The following PKIB variants were observed in gnomAD, a reference collection of about 807,000 sequenced individuals.
PKIB encodes the protein cAMP-dependent protein kinase inhibitor beta, also known as PKI-beta.
PKIB carries 2 observed loss-of-function variants against 4.5 expected under a neutral mutation model. The ratio of observed to expected loss-of-function variants is 0.44; its 90% confidence interval spans 0.18 to 1.39. PKIB has a LOEUF of 1.39. Ranked by LOEUF, PKIB falls within the 40% of genes most tolerant of loss-of-function variation. PKIB has a pLI of 0.27. For missense variants in PKIB, 94 were observed against 92.6 expected (o/e 1.02, Z -0.06); for synonymous variants, 38 against 36.0 (o/e 1.06, Z -0.20).
intron 2 of PKIB, among the ~76,000 whole-genome samples, chr6:122,514,582 G>A (rs1776687978): frequency 6.6e-6 from 1 of 152,132 alleles, no homozygotes; most frequent in Admixed American, 6.5e-5. Context: ...ACAAAATAAG[G>A]GTTTAAAATA....
chr6:122,492,042 G>A (rs1775946972), intron 2 of PKIB, among the ~76,000 whole-genome samples: 1 of 152,142 alleles, frequency 6.6e-6, no homozygotes, highest in Non-Finnish European at 1.5e-5. Flanking sequence ...AAAACACTTG[G>A]AGGTTTTATT....
intron 4 of PKIB, among the ~76,000 whole-genome samples, chr6:122,721,647 A>G (rs12209418): frequency 0.21 from 31,284 of 152,084 alleles, 3,819 homozygotes; most frequent in Middle Eastern, 0.29. Flanking sequence ...AAGGATGGAA[A>G]TAGGAAATGT....
At chr6:122,707,796 T>C (rs903428306) in intron 3 of PKIB, among the ~76,000 whole-genome samples, 8 of 152,184 alleles carry the variant, frequency 5.3e-5, no homozygotes, top group Non-Finnish European at 1.2e-4. Context: ...TGTTGTGATA[T>C]TCTTGTATAT....
chr6:122,686,957 G>A (rs1401811785), intron 3 of PKIB, among the ~76,000 whole-genome samples: 3 of 152,096 alleles, frequency 2.0e-5, no homozygotes, highest in Non-Finnish European at 4.4e-5. Context: ...CTGTGAAGAA[G>A]CTTTTTAACC....
chr6:122,542,872 C>G (rs540338741), intron 2 of PKIB, among the ~76,000 whole-genome samples: 126 of 152,250 alleles, frequency 8.3e-4, no homozygotes, highest in South Asian at 2.1e-3. Flanking sequence ...CCACCCAATT[C>G]GAGCTTCCTG....
At chr6:122,606,571 C>CAAAAAAAA (rs10695767), upstream of PKIB, among the ~76,000 whole-genome samples, 40 of 119,544 alleles carry the variant, frequency 3.3e-4, 4 homozygotes, top group Admixed American at 5.3e-4. Context: ...GACTCTGTCT[C>CAAAAAAAA]AAAAAAGAAA....
In PKIB at chr6:122,689,297, A is replaced by G. The variant is rs183551807; in HGVS notation, c.-9+14153A>G. Among the ~76,000 whole-genome samples the G allele has an allele frequency of 3.9e-3, 595 of 152,056 alleles. 4 individuals are homozygous for G. Among genetic ancestry groups the G allele is most frequent in the African/African-American group, 0.012 (513 of 41,480 alleles). On this transcript the variant is annotated intron_variant, in intron 3 of 4. Transcript: ENST00000368452. Reference sequence around the variant, plus strand: ...CTCTGATGTTTATTTCTTTTCTTCTACTAATTGTGGGTTCAGTTTTCTCTT... The same window carrying G: ...CTCTGATGTTTATTTCTTTTCTTCTGCTAATTGTGGGTTCAGTTTTCTCTT...
intron 2 of PKIB, among the ~76,000 whole-genome samples, chr6:122,558,308 G>C (rs1244709969): frequency 6.6e-6 from 1 of 152,154 alleles, no homozygotes; most frequent in Non-Finnish European, 1.5e-5. Flanking sequence ...TATTCTACCA[G>C]CTTAGTAATG....
intron 2 of PKIB, among the ~76,000 whole-genome samples, chr6:122,504,977 C>T (rs113717722): frequency 7.9e-5 from 12 of 152,236 alleles, no homozygotes; most frequent in East Asian, 1.9e-4. Flanking sequence ...GGCTGCAAAA[C>T]GCCCCGAGCT....
intron 3 of PKIB, among the ~76,000 whole-genome samples, chr6:122,689,013 C>T (rs1778215464): frequency 6.6e-6 from 1 of 151,952 alleles, no homozygotes; most frequent in African/African-American, 2.4e-5. Context: ...GATCTCCTGA[C>T]CTCGTGACCC....
intron 3 of PKIB, among the ~76,000 whole-genome samples, chr6:122,602,311 G>A (rs1317783650): frequency 6.6e-6 from 1 of 152,182 alleles, no homozygotes; most frequent in South Asian, 2.1e-4. Context: ...AGAAGCTCAA[G>A]TGGTTGGGAA....
intron 2 of PKIB, among the ~76,000 whole-genome samples, chr6:122,558,007 A>G (rs959689005): frequency 1.3e-5 from 2 of 152,164 alleles, no homozygotes; most frequent in Non-Finnish European, 2.9e-5. Flanking sequence ...TGTTAACACA[A>G]GAGGTGAACA....
intron 3 of PKIB, among the ~76,000 whole-genome samples, chr6:122,710,123 G>T (rs528046591): frequency 2.6e-4 from 39 of 152,188 alleles, no homozygotes; most frequent in Non-Finnish European, 5.1e-4. Flanking sequence ...TTTATTGATT[G>T]TATTAAGCAG....
intron 2 of PKIB, chr6:122,482,957 T>C (rs1775667043): frequency 1.3e-5 from 2 of 152,164 alleles, no homozygotes; most frequent in African/African-American, 2.4e-5. Context: ...TTGTCACTGA[T>C]TGGCTGAAAG....
chr6:122,545,942 G>A (rs926460401), intron 2 of PKIB, among the ~76,000 whole-genome samples: 6 of 151,708 alleles, frequency 4.0e-5, no homozygotes, highest in South Asian at 4.2e-4. Context: ...TAGGGAAGAG[G>A]TAGAACCTAG....
At chr6:122,603,174 A>G (rs1774430554) in intron 3 of PKIB, among the ~76,000 whole-genome samples, 1 of 152,138 alleles carries the variant, frequency 6.6e-6, no homozygotes, top group Admixed American at 6.5e-5. Flanking sequence ...ATTTTATAAG[A>G]CAACTTAACA....
At chr6:122,607,224 A>G (rs2114750873), upstream of PKIB, among the ~76,000 whole-genome samples, 1 of 152,110 alleles carries the variant, frequency 6.6e-6, no homozygotes, top group South Asian at 2.1e-4. Flanking sequence ...CTGAAATCCA[A>G]ACACTGTGGA....
intron 2 of PKIB, among the ~76,000 whole-genome samples, chr6:122,656,064 A>G (rs190651338): frequency 3.0e-4 from 45 of 152,274 alleles, no homozygotes; most frequent in Admixed American, 1.4e-3. Flanking sequence ...TGGGTGTGAT[A>G]TAATATTCTT....
intron 2 of PKIB, among the ~76,000 whole-genome samples, chr6:122,532,208 T>C (rs1332583913): frequency 6.6e-6 from 1 of 152,212 alleles, no homozygotes; most frequent in Non-Finnish European, 1.5e-5. Context: ...ATCTACATGC[T>C]TCCACCTAGT....
Sources: allele counts gnomAD v4.1 joint callset (sites outside exome capture counted in the v4.1 genomes callset), GRCh38; gene constraint gnomAD v4.1.1; transcripts MANE v1.5; gene names NCBI Gene and HGNC (gene_info 2026-07-23, HGNC 2026-07-21).